Variants in CSMD3 observed in about 807,000 individuals in gnomAD.
CSMD3 encodes the protein CUB and Sushi multiple domains 3, also known as CUB and sushi domain-containing protein 3.
Under a neutral mutation model 435.2 loss-of-function variants are expected in CSMD3, and 177 were observed. The observed-to-expected ratio is 0.41, with a 90% CI of 0.36 to 0.46. The LOEUF (loss-of-function observed/expected upper bound fraction) is 0.46. Among genes scored for constraint, CSMD3 ranks in the 20% least tolerant of loss-of-function variants. The pLI is 0.34. For missense variants in CSMD3, 4,265 were observed against 4,504.6 expected (o/e 0.95, Z 1.52); for synonymous variants, 1,656 against 1,520.5 (o/e 1.09, Z -2.07).
intron 1 of CSMD3, among the ~76,000 whole-genome samples, chr8:113,332,180 C>G (rs1038731586): frequency 6.6e-6 from 1 of 151,182 alleles, no homozygotes; most frequent in East Asian, 1.9e-4. Context: ...GTCTAAAAAA[C>G]GTGCATGCCT....
chr8:113,180,102 T>C (rs2092403240), intron 3 of CSMD3, among the ~76,000 whole-genome samples: 1 of 151,926 alleles, frequency 6.6e-6, no homozygotes, highest in Non-Finnish European at 1.5e-5. Context: ...TTATATCTAC[T>C]AAGGGAAGTA....
chr8:113,432,727 G>C (rs927832451), intron 1 of CSMD3, among the ~76,000 whole-genome samples: 2 of 152,150 alleles, frequency 1.3e-5, no homozygotes, highest in African/African-American at 2.4e-5. Context: ...TGAGGACAGC[G>C]CTGCGGTCCG....
intron 5 of CSMD3, among the ~76,000 whole-genome samples, chr8:113,080,711 T>C (rs1258749393): frequency 6.6e-6 from 1 of 152,212 alleles, no homozygotes; most frequent in African/African-American, 2.4e-5. Context: ...AGAAGGCTTA[T>C]TTCCCTAGGT....
chr8:112,532,615 A>C (rs972204395), intron 27 of CSMD3, among the ~76,000 whole-genome samples: 3 of 152,176 alleles, frequency 2.0e-5, no homozygotes, highest in Non-Finnish European at 4.4e-5. Flanking sequence ...ACTGCCTTTC[A>C]AACATGAAGG....
chr8:113,280,394 G>A (rs1329057567), intron 2 of CSMD3, among the ~76,000 whole-genome samples: 3 of 151,726 alleles, frequency 2.0e-5, no homozygotes, highest in Non-Finnish European at 2.9e-5. Context: ...GAGCTAGGAC[G>A]GTTGTATTTT....
intron 1 of CSMD3, among the ~76,000 whole-genome samples, chr8:113,324,988 C>T (rs972113396): frequency 6.6e-6 from 1 of 152,158 alleles, no homozygotes; most frequent in African/African-American, 2.4e-5. Context: ...GGCCTGCAGC[C>T]CCTTTGCTTC....
chr8:112,338,806 A>C (rs1382416252), intron 42 of CSMD3, among the ~76,000 whole-genome samples: 2 of 152,162 alleles, frequency 1.3e-5, no homozygotes, highest in Non-Finnish European at 2.9e-5. Flanking sequence ...AAGAGTTCTT[A>C]TTCCAACTTA....
At chr8:112,994,103 T>G (rs140296408) in intron 6 of CSMD3, among the ~76,000 whole-genome samples, 215 of 151,904 alleles carry the variant, frequency 1.4e-3, no homozygotes, top group Non-Finnish European at 2.5e-3. Context: ...ATAATATTTC[T>G]TGGTGATAAT....
At chr8:112,797,716 T>C (rs1469183) in intron 13 of CSMD3, among the ~76,000 whole-genome samples, 20,605 of 151,814 alleles carry the variant, frequency 0.14, 1,906 homozygotes, top group Non-Finnish European at 0.2. Flanking sequence ...TTATTTTTAG[T>C]AGGTGAACTT....
intron 6 of CSMD3, among the ~76,000 whole-genome samples, chr8:112,978,425 A>G (rs1156847024): frequency 6.6e-6 from 1 of 151,926 alleles, no homozygotes; most frequent in African/African-American, 2.4e-5. Flanking sequence ...CTGCAGACCC[A>G]ATCCAAACAC....
Position 112,859,232 on chromosome 8 carries a change from A to T in CSMD3, c.1668T>A (p.Ser556Arg), listed in dbSNP as rs2129860061. 1 of 1,611,404 alleles carries T rather than the reference A, an allele frequency of 6.2e-7. No homozygotes were observed. The highest frequency in any genetic ancestry group is 2.2e-5 in the East Asian group (1 of 44,764). Residue 556 changes from serine to arginine, a missense_variant, in exon 11 of 71, where the codon AGT becomes AGA. By Grantham distance (110) the Ser-to-Arg change is moderately radical (BLOSUM62 -1). This residue lies in a region of CSMD3 where 731 missense variants were observed against 755.4 expected (regional missense o/e 0.97). Transcript: ENST00000297405. Reference sequence around the variant, plus strand: ...GAAAGTTGGGAGATGTAAAGGTACCACTTGGTCCTTGAAGATTAGAGCCAC... The same window carrying T: ...GAAAGTTGGGAGATGTAAAGGTACCTCTTGGTCCTTGAAGATTAGAGCCAC... ...KTCGSNLQGP[S>R]GTFTSPNFPF...
At chr8:112,225,871 C>A (rs141832220) in intron 70 of CSMD3, among the ~76,000 whole-genome samples, 15 of 152,216 alleles carry the variant, frequency 9.9e-5, no homozygotes, top group Middle Eastern at 3.4e-3. Context: ...TTGTTTATTT[C>A]TTCCACCTTT....
At chr8:112,275,415 TG>T (rs1817949591) in intron 59 of CSMD3, among the ~76,000 whole-genome samples, 1 of 151,918 alleles carries the variant, frequency 6.6e-6, no homozygotes, top group African/African-American at 2.4e-5. Flanking sequence ...GGCATGGTGG[TG>T]GGTGTCTGTA....
intron 22 of CSMD3, among the ~76,000 whole-genome samples, chr8:112,619,475 T>C (rs1258322257): frequency 2.0e-5 from 3 of 152,092 alleles, no homozygotes; most frequent in African/African-American, 7.2e-5. Context: ...TTTTCTCTTC[T>C]CTAAGATTCA....
intron 9 of CSMD3, among the ~76,000 whole-genome samples, chr8:112,931,265 C>T (rs765397394): frequency 6.6e-6 from 1 of 152,016 alleles, no homozygotes; most frequent in East Asian, 1.9e-4. Flanking sequence ...CTATAAAGCA[C>T]TTCCTCTAAT....
At chr8:113,427,170 A>C (rs1207798337) in intron 1 of CSMD3, among the ~76,000 whole-genome samples, 1 of 151,542 alleles carries the variant, frequency 6.6e-6, no homozygotes, top group African/African-American at 2.4e-5. Flanking sequence ...CAAAAGTAAT[A>C]TAGTTACATA....
intron 1 of CSMD3, among the ~76,000 whole-genome samples, chr8:113,368,800 T>A (rs537552359): frequency 6.6e-6 from 1 of 152,204 alleles, no homozygotes; most frequent in African/African-American, 2.4e-5. Flanking sequence ...GCACACCATA[T>A]CTAAATTCAT....
intron 13 of CSMD3, among the ~76,000 whole-genome samples, chr8:112,720,111 T>G (rs1175560362): frequency 6.6e-6 from 1 of 152,152 alleles, no homozygotes; most frequent in Admixed American, 6.5e-5. Context: ...AAGTCTTTAT[T>G]GATGCTAAGC....
intron 27 of CSMD3, among the ~76,000 whole-genome samples, chr8:112,521,887 T>C (rs1405420695): frequency 6.6e-6 from 1 of 151,870 alleles, no homozygotes; most frequent in Non-Finnish European, 1.5e-5. Context: ...TTGATGTCAT[T>C]GTAAATGTAC....
Sources: gnomAD v4.1 joint callset for allele counts (sites outside exome capture counted in the v4.1 genomes callset) on GRCh38, gnomAD v4.1.1 for gene constraint, gnomAD v4.1.1 regional missense constraint, MANE v1.5 for transcripts, NCBI Gene and HGNC (gene_info 2026-07-23, HGNC 2026-07-21) for gene names.